The following CEP104 variants were observed in gnomAD, a reference collection of about 807,000 sequenced individuals.
CEP104 encodes the protein centrosomal protein 104.
CEP104 carries 84 observed loss-of-function variants against 113.3 expected under a neutral mutation model. The observed-to-expected ratio is 0.74, with a 90% confidence interval of 0.62 to 0.89. The LOEUF (loss-of-function observed/expected upper bound fraction) is 0.89, where lower values mean the gene tolerates loss of function less well. Among genes scored for constraint, CEP104 ranks in the 40% least tolerant of loss-of-function variants. CEP104 has a pLI of 0.00. For missense variants in CEP104, 1,053 were observed against 1,156.6 expected, an observed-to-expected ratio of 0.91 and a Z score of 1.30; for synonymous variants, 378 against 421.7, an observed-to-expected ratio of 0.90 and a Z score of 1.27.
chr1:3,852,901 C>CAGCCAAGGA (rs1553165985), intron 1 of CEP104, among the ~76,000 whole-genome samples: 4 of 151,958 alleles, frequency 2.6e-5, no homozygotes, highest in Non-Finnish European at 5.9e-5. Context: ...CTAAGCGGGC[C>CAGCCAAGGA]GGCCAAGGAC....
chr1:3,822,230 TGACAGACAGACAGAGG>T (rs61594659), intron 20 of CEP104, among the ~76,000 whole-genome samples: 94,573 of 151,052 alleles, frequency 0.63, 30,097 homozygotes, highest in African/African-American at 0.74. Flanking sequence ...AGAGAGAGAC[TGACAGACAGACAGAGG>T]GACAGACAGA....
At chr1:3,848,833 C>G (rs1407207571) in intron 2 of CEP104, 52 bp from the exon 3 acceptor site, 1 of 1,466,642 alleles carries the variant, frequency 6.8e-7, no homozygotes, top group Admixed American at 1.8e-5. Flanking sequence ...CAGAGGGTTT[C>G]TAGATGCTAG....
At chr1:3,848,241 G>C (rs1456795903) in intron 3 of CEP104, among the ~76,000 whole-genome samples, 4 of 152,116 alleles carry the variant, frequency 2.6e-5, no homozygotes, top group Non-Finnish European at 4.4e-5. Flanking sequence ...TCATTTTTAA[G>C]AGCTTTCAGG....
intron 20 of CEP104, among the ~76,000 whole-genome samples, chr1:3,821,458 G>T (rs538185760): frequency 6.6e-6 from 1 of 152,328 alleles, no homozygotes; most frequent in East Asian, 1.9e-4. Context: ...CCTTCACTCT[G>T]CCTTTCCAAT....
In CEP104 at chr1:3,835,402, C is replaced by G. The variant is rs4648419; in HGVS notation, c.1318-310G>C. ...TCATTTCTTTTTATTTTGAGACAAACTCTCACTCTGTCGCCCAGGCTGGAG... is the reference window on the plus strand; with the variant it reads ...TCATTTCTTTTTATTTTGAGACAAAGTCTCACTCTGTCGCCCAGGCTGGAG... On this transcript the variant is annotated intron_variant, in intron 10 of 21. Transcript: ENST00000378230. Among the ~76,000 whole-genome samples the G allele has an allele frequency of 0.9, 137,804 of 152,286 alleles. 63,020 individuals carry two copies. The highest frequency in any genetic ancestry group is 0.97 in the Middle Eastern group (286 of 294).
At chr1:3,850,756 C>A (rs1644595585) in intron 2 of CEP104, among the ~76,000 whole-genome samples, 1 of 151,992 alleles carries the variant, frequency 6.6e-6, no homozygotes, top group Non-Finnish European at 1.5e-5. Flanking sequence ...TGACCAAGGG[C>A]ACACAGATCC....
rs1006781645 is a variant in CEP104 at position 3,814,314 on chromosome 1, A to C, written c.*1088T>G. On this transcript the variant is annotated 3_prime_UTR_variant, in exon 22 of 22. Transcript: ENST00000378230. ...CCCTCCACATGGCTGCCTGGATGTG[A>C]CACAGGCCCAACCAAAGCTATGGAC... The C allele has an allele frequency of 6.6e-6, 1 of 152,236 alleles. No individual in the cohort carries two copies. Among genetic ancestry groups the C allele is most frequent in the Non-Finnish European group, 1.5e-5 (1 of 68,068 alleles). 9.4% of individuals were successfully genotyped at this position (152,236 alleles called of 1,614,324 possible).
rs774604746 is a variant in CEP104 at position 3,826,386 on chromosome 1, C to T, written c.2239G>A (p.Glu747Lys). The stretch of plus-strand genomic sequence containing the variant: ...GCGACTTACTTATCTAGATAGTGCT[C>T]ATCCGGGATTCCCAGAGCTTCAGCA... ...APAEALGIPD[E>K]HYLDNLCIFC... Residue 747 changes from glutamate to lysine, a missense_variant, in exon 17 of 22, where the codon GAG becomes AAG. By Grantham distance (56) the Glu-to-Lys change is moderately conservative. Coordinates refer to ENST00000378230, the MANE Select transcript of CEP104 (RefSeq NM_014704.4). 6 of 1,613,904 alleles carry T rather than the reference C, an allele frequency of 3.7e-6. No individual in the cohort carries two copies. Among genetic ancestry groups the T allele is most frequent in the African/African-American group, 1.3e-5 (1 of 74,918 alleles).
chr1:3,829,631 G>T, intron 14 of CEP104, 160 bp downstream of exon 14: 1 of 778,972 alleles, frequency 1.3e-6, no homozygotes, highest in African/African-American at 1.7e-5. Flanking sequence ...GGAGCAGCCG[G>T]GATCTGAATG....
rs1644173289 is a variant in CEP104, at chr1:3,830,088, A to G, written c.1837-91T>C. The G allele has an allele frequency of 3.3e-6, 3 of 913,892 alleles. No homozygotes were observed. The African/African-American group carries it at 5.0e-5, about 15-fold the overall frequency. 56.6% of individuals were successfully genotyped at this position (913,892 alleles called of 1,614,324 possible). A position where few individuals can be genotyped will look rare whatever the true frequency, so the allele number is the denominator to read the frequency against. ...AAAGGTACATTATAAACATGTGAAAAATAAAAGAGAAAACATCCGTATTAA... is the reference window on the plus strand; with the variant it reads ...AAAGGTACATTATAAACATGTGAAAGATAAAAGAGAAAACATCCGTATTAA... On this transcript the variant is annotated intron_variant, in intron 13 of 21. Transcript: ENST00000378230.
intron 17 of CEP104, 82 bp downstream of exon 17, chr1:3,826,288 G>A (rs1644089359): frequency 5.0e-6 from 6 of 1,206,172 alleles, no homozygotes; most frequent in African/African-American, 1.5e-5. Flanking sequence ...GCCAACTAGG[G>A]AGGACGCATT....
In CEP104 at chr1:3,823,604, C is replaced by T. The variant is rs368744300; in HGVS notation, c.2365-42G>A. ...AGAGCAAAGCATGTTGCTGAGAAAGCGGCAGCGCCCTCCAGCCAGCCTGCA... is the reference window on the plus strand; with the variant it reads ...AGAGCAAAGCATGTTGCTGAGAAAGTGGCAGCGCCCTCCAGCCAGCCTGCA... On this transcript the variant is annotated intron_variant, in intron 18 of 21. Transcript: ENST00000378230. This position sits in a 1 kb window ranked among gnomAD's most constrained non-coding sequence, Gnocchi z 4.1. 3.8e-4 allele frequency: 608 copies of T among 1,612,702 alleles called. 1 individual carries two copies. Among genetic ancestry groups the T allele is most frequent in the Non-Finnish European group, 4.5e-4 (535 of 1,179,446 alleles).
rs36097837 is a variant in CEP104, at chr1:3,813,576, C to T, written c.*1826G>A. 0.16 allele frequency: 23,753 copies of T among 147,312 alleles called. 2,157 individuals carry two copies. The highest frequency in any genetic ancestry group is 0.25 in the African/African-American group (9,888 of 40,312). The allele number at this position is 147,312 out of a possible 1,614,324, so 9.1% of individuals were successfully genotyped here. Reference sequence around the variant, plus strand: ...TCCTTATAAACACATTTAACCTGGGCGTGGTGGCTCACGCCTGTAATCCCA... The same window carrying T: ...TCCTTATAAACACATTTAACCTGGGTGTGGTGGCTCACGCCTGTAATCCCA... On this transcript the variant is annotated 3_prime_UTR_variant, in exon 22 of 22. Transcript: ENST00000378230.
Position 3,823,235 on chromosome 1 carries a change from T to G in CEP104, c.2510A>C (p.Lys837Thr), listed in dbSNP as rs778842881. The G allele has an allele frequency of 6.2e-7, 1 of 1,614,146 alleles. No homozygotes were observed. Among genetic ancestry groups the G allele is most frequent in the South Asian group, 1.1e-5 (1 of 91,084 alleles). ...ACACCGGTTTGCCAGCTTCTCCGGT[T>G]TGGCAGCTGAAATGATTTTAAAAAG... ...HIKHKDCNPAKPEKLANRCPL... is the reference protein window; with the variant it reads ...HIKHKDCNPATPEKLANRCPL... Residue 837 changes from lysine (K) to threonine (T), a missense_variant, in exon 20 of 22, where the codon AAA (lysine) becomes ACA (threonine). Transcript: ENST00000378230. This position sits in a 1 kb window ranked among gnomAD's most constrained non-coding sequence, Gnocchi z 4.1.
chr1:3,855,764 T>A (rs537927286), intron 1 of CEP104: 1 of 324,236 alleles, frequency 3.1e-6, no homozygotes, highest in South Asian at 1.2e-4. Flanking sequence ...ATAAGATACT[T>A]GGAATGTCAC....
intron 13 of CEP104, among the ~76,000 whole-genome samples, chr1:3,830,804 A>C (rs986538544): frequency 1.3e-5 from 2 of 151,864 alleles, no homozygotes; most frequent in African/African-American, 4.8e-5. Context: ...AAGACAAAGA[A>C]ATATTTTTTA....
rs1302122611 is a variant in CEP104 at position 3,831,217 on chromosome 1, C to T, written c.1665G>A (p.Met555Ile). 16 of 1,610,834 alleles carry T rather than the reference C, an allele frequency of 9.9e-6. No homozygotes were observed. In the East Asian group the frequency reaches 3.6e-4, roughly 36 times the overall value. ...GAGACTTAACTTCTTTAAACAAGGC[C>T]ATTTCCTATGAAAGCCAAGGTAATT... ...RVTAANFIQE[M>I]ALFKEVKSLQ... Residue 555 changes from methionine to isoleucine, a missense_variant, in exon 13 of 22, where the codon ATG becomes ATA. Physicochemically the swap from Met to Ile is conservative, Grantham distance 10 (BLOSUM62 1). Transcript: ENST00000378230.
intron 10 of CEP104, 68 bp from the exon 11 acceptor site, chr1:3,835,160 C>CT: frequency 2.5e-6 from 3 of 1,218,768 alleles, no homozygotes; most frequent in Non-Finnish European, 3.2e-6. Flanking sequence ...AACTTGAAGG[C>CT]TTTGTTTTTT....
chr1:3,844,559 A>G (rs1444812966), intron 6 of CEP104, among the ~76,000 whole-genome samples: 1 of 152,026 alleles, frequency 6.6e-6, no homozygotes, highest in African/African-American at 2.4e-5. Context: ...TTAGCTGGGC[A>G]TGATGGCAGG....
Sources: gnomAD v4.1 joint callset for allele counts (sites outside exome capture counted in the v4.1 genomes callset) on GRCh38, gnomAD v4.1.1 for gene constraint, Gnocchi (gnomAD v3.1) non-coding constraint, MANE v1.5 for transcripts, NCBI Gene and HGNC (gene_info 2026-07-23, HGNC 2026-07-21) for gene names.